The following NOX4 variants were observed in gnomAD, a reference collection of about 807,000 sequenced individuals.
The protein encoded by NOX4 is NADPH oxidase 4, also known as kidney oxidase-1.
Under a neutral mutation model 87.6 loss-of-function variants are expected in NOX4, and 69 were observed. The observed-to-expected ratio is 0.79, with a 90% CI of 0.65 to 0.96. The LOEUF is 0.96. Ranked by LOEUF, NOX4 falls within the 40% of genes least tolerant of loss-of-function variation. NOX4 has a pLI of 0.00. For synonymous variants in NOX4, 275 were observed against 238.2 expected (o/e 1.15, Z -1.42); for missense variants, 680 against 681.5 (o/e 1.00, Z 0.02).
At chr11:89,512,773 A>G in the NOX4 span, among the ~76,000 whole-genome samples, 2 of 151,966 alleles carry the variant, frequency 1.3e-5, no homozygotes, top group Non-Finnish European at 2.9e-5. Context: ...TTCTTCCCCC[A>G]CCTTTGCCAT....
the NOX4 span, among the ~76,000 whole-genome samples, chr11:89,561,544 A>T: frequency 6.6e-6 from 1 of 152,178 alleles, no homozygotes. Context: ...AATAATTGCT[A>T]ATGTTAAGTT....
chr11:89,488,460 T>G (rs1023585220), intron 2 of NOX4, among the ~76,000 whole-genome samples: 32 of 152,170 alleles, frequency 2.1e-4, no homozygotes, highest in Non-Finnish European at 3.8e-4. Flanking sequence ...TAATCATATC[T>G]GACTTACCAC....
At chr11:89,460,921 A>G (rs1016967599) in intron 2 of NOX4, among the ~76,000 whole-genome samples, 4 of 152,214 alleles carry the variant, frequency 2.6e-5, no homozygotes, top group African/African-American at 9.7e-5. Flanking sequence ...ATGTCCAACA[A>G]TGATAGACTG....
At chr11:89,423,539 G>A (rs1207272869) in intron 7 of NOX4, among the ~76,000 whole-genome samples, 11 of 152,048 alleles carry the variant, frequency 7.2e-5, no homozygotes, top group African/African-American at 2.4e-4. Context: ...GGTTCAATGT[G>A]TTAGTCATTT....
intron 2 of NOX4, among the ~76,000 whole-genome samples, chr11:89,484,347 T>A (rs187838800): frequency 1.3e-5 from 2 of 152,220 alleles, no homozygotes; most frequent in African/African-American, 4.8e-5. Context: ...TCCTTCACAA[T>A]TTATTGGCAA....
Position 89,369,929 on chromosome 11 carries a change from GA to G in NOX4, c.1135+3502del, listed in dbSNP as rs369089490. Among the ~76,000 whole-genome samples, 321 of 146,454 alleles carry G rather than the reference GA, an allele frequency of 2.2e-3. 2 individuals carry two copies. Among genetic ancestry groups the G allele is most frequent in the African/African-American group, 7.5e-3 (299 of 39,958 alleles). Reference sequence around the variant, plus strand: ...TGACTTACAAGGAGTTTCCAAAAATGAAAAAAAAAATACTTTAAACACGTAA... The same window carrying G: ...TGACTTACAAGGAGTTTCCAAAAATGAAAAAAAAATACTTTAAACACGTAA... On this transcript the variant is annotated intron_variant, in intron 12 of 17. Transcript: ENST00000263317.
chr11:89,559,208 A>C, the NOX4 span, among the ~76,000 whole-genome samples: 4 of 152,092 alleles, frequency 2.6e-5, no homozygotes, highest in Non-Finnish European at 5.9e-5. Context: ...TTTAGTGAGA[A>C]AAACAGATAT....
intron 12 of NOX4, among the ~76,000 whole-genome samples, chr11:89,355,491 C>A (rs1937974325): frequency 6.6e-6 from 1 of 150,648 alleles, no homozygotes; most frequent in Admixed American, 6.6e-5. Context: ...TCTTTATGAT[C>A]AAATCTTATC....
intron 6 of NOX4, among the ~76,000 whole-genome samples, chr11:89,433,462 T>C (rs1366554294): frequency 6.6e-6 from 1 of 152,066 alleles, no homozygotes; most frequent in Non-Finnish European, 1.5e-5. Flanking sequence ...TCTTTCTGTT[T>C]TGGTTTTAAA....
intron 7 of NOX4, among the ~76,000 whole-genome samples, chr11:89,431,717 A>T (rs1295578337): frequency 1.3e-5 from 2 of 152,170 alleles, no homozygotes; most frequent in Non-Finnish European, 2.9e-5. Context: ...GCTGGAGAGG[A>T]TGTGGAGAAA....
At chr11:89,440,112 T>C (rs1192876619) in intron 6 of NOX4, among the ~76,000 whole-genome samples, 2 of 152,156 alleles carry the variant, frequency 1.3e-5, no homozygotes, top group Non-Finnish European at 2.9e-5. Flanking sequence ...TTGTTTTGAT[T>C]GGAAGAATAT....
chr11:89,373,276 G>GCAAAAAAAAAAAAAAAAAAA (rs1939582802), intron 12 of NOX4, among the ~76,000 whole-genome samples, 156 bp downstream of exon 12: 1 of 21,030 alleles, frequency 4.8e-5, no homozygotes, highest in African/African-American at 3.1e-4. Flanking sequence ...AACTGTACAA[G>GCAAAAAAAAAAAAAAAAAAA]CAAAAAAAAA....
At chr11:89,346,281 T>A (rs532949971) in intron 13 of NOX4, among the ~76,000 whole-genome samples, 1 of 152,236 alleles carries the variant, frequency 6.6e-6, no homozygotes, top group South Asian at 2.1e-4. Context: ...AATGATTCAG[T>A]CAAGGCCTTA....
At chr11:89,462,609 G>A (rs1275429463) in intron 2 of NOX4, among the ~76,000 whole-genome samples, 1 of 152,006 alleles carries the variant, frequency 6.6e-6, no homozygotes, top group Non-Finnish European at 1.5e-5. Context: ...GAAAAGAAGA[G>A]TCTATTCGAT....
chr11:89,340,266 C>G, intron 14 of NOX4, 95 bp from the exon 15 acceptor site: 1 of 777,808 alleles, frequency 1.3e-6, no homozygotes, highest in Non-Finnish European at 2.1e-6. Context: ...CATTAGTAAG[C>G]AACCAATAGA....
At chr11:89,391,817 C>T (rs1301299197) in intron 11 of NOX4, among the ~76,000 whole-genome samples, 1 of 150,518 alleles carries the variant, frequency 6.6e-6, no homozygotes, top group Non-Finnish European at 1.5e-5. Flanking sequence ...ACCATTAATA[C>T]ATTAGTAGGC....
chr11:89,463,103 T>C (rs1043732817), intron 2 of NOX4, among the ~76,000 whole-genome samples: 5 of 151,948 alleles, frequency 3.3e-5, no homozygotes, highest in Non-Finnish European at 7.4e-5. Context: ...AACTGAGGAA[T>C]ATTAGTAATC....
At chr11:89,529,608 G>A in the NOX4 span, among the ~76,000 whole-genome samples, 1 of 152,168 alleles carries the variant, frequency 6.6e-6, no homozygotes, top group Non-Finnish European at 1.5e-5. Context: ...ATCCTGAGAT[G>A]TTTATAAACT....
rs73533558 is a variant in NOX4 at position 89,389,090 on chromosome 11, G to T, written c.1074+10927C>A. Among the ~76,000 whole-genome samples, 477 of 152,220 alleles carry T rather than the reference G, an allele frequency of 3.1e-3. 5 individuals are homozygous for T. Among genetic ancestry groups the T allele is most frequent in the African/African-American group, 0.011 (460 of 41,552 alleles). On this transcript the variant is annotated intron_variant, in intron 11 of 17. Transcript: ENST00000263317. Reference sequence around the variant, plus strand: ...AAATCCATGATCTGATACTACATAAGGTCCTATAATTTCCATCAATCTTGT... The same window carrying T: ...AAATCCATGATCTGATACTACATAATGTCCTATAATTTCCATCAATCTTGT...
Sources: gnomAD v4.1 joint callset for allele counts (sites outside exome capture counted in the v4.1 genomes callset) on GRCh38, gnomAD v4.1.1 for gene constraint, MANE v1.5 for transcripts, NCBI Gene and HGNC (gene_info 2026-07-23, HGNC 2026-07-21) for gene names.